The following RHPN2 variants were observed in gnomAD, a reference collection of about 807,000 sequenced individuals.
RHPN2 encodes rhophilin Rho GTPase binding protein 2, also known as rhophilin-2.
In RHPN2, 40 loss-of-function variants were observed where a neutral mutation model predicts 79.0. The observed-to-expected ratio is 0.51, with a 90% CI of 0.39 to 0.66. RHPN2 has a LOEUF of 0.66. RHPN2 is among the 30% of genes least tolerant of loss of function. The probability of loss-of-function intolerance (pLI) is 0.00; values close to 1 mark genes in which losing one functional copy is unlikely to be tolerated. For missense variants in RHPN2, 686 were observed against 883.5 expected, an observed-to-expected ratio of 0.78 and a Z score of 2.83; for synonymous variants, 285 against 363.5, an observed-to-expected ratio of 0.78 and a Z score of 2.46.
rs142063111 is a variant in RHPN2 at position 33,058,513 on chromosome 19, G to A, written c.69+6271C>T. Reference sequence around the variant, plus strand: ...AATCCCAATAGTCACCAGGCGCAGTGGCTCATGCCTGTAATCCCAGCACTT... The same window carrying A: ...AATCCCAATAGTCACCAGGCGCAGTAGCTCATGCCTGTAATCCCAGCACTT... On this transcript the variant is annotated intron_variant, in intron 1 of 14. Transcript: ENST00000254260. Among the ~76,000 whole-genome samples the A allele has an allele frequency of 1.1e-3, 163 of 152,294 alleles. 3 individuals carry two copies. The East Asian group carries it at 0.026, about 25-fold the overall frequency.
intron 9 of RHPN2, among the ~76,000 whole-genome samples, chr19:33,001,287 A>C (rs946530378): frequency 6.6e-6 from 1 of 152,162 alleles, no homozygotes; most frequent in African/African-American, 2.4e-5. Context: ...TGTAATCCCA[A>C]CACTTTGGGG....
At chr19:32,990,807 A>G in intron 13 of RHPN2, 138 bp from the exon 14 acceptor site, 1 of 858,602 alleles carries the variant, frequency 1.2e-6, no homozygotes, top group South Asian at 1.5e-5. Flanking sequence ...AGACGGGTAG[A>G]TCACTTGAGG....
chr19:33,006,546 C>G (rs1003158258), intron 7 of RHPN2, among the ~76,000 whole-genome samples: 1 of 152,202 alleles, frequency 6.6e-6, no homozygotes, highest in African/African-American at 2.4e-5. Context: ...CACCCCAAAG[C>G]AGAATGTCGA....
chr19:33,037,628 A>G (rs1479522053), intron 2 of RHPN2, among the ~76,000 whole-genome samples: 1 of 152,046 alleles, frequency 6.6e-6, no homozygotes, highest in African/African-American at 2.4e-5. Flanking sequence ...CCAGACGAAC[A>G]ACTCCAGACG....
intron 2 of RHPN2, among the ~76,000 whole-genome samples, chr19:33,043,925 A>G (rs1391389317): frequency 6.6e-6 from 1 of 152,152 alleles, no homozygotes; most frequent in Non-Finnish European, 1.5e-5. Flanking sequence ...AGTGTCAGGC[A>G]GTGGAGAAAA....
intron 1 of RHPN2, among the ~76,000 whole-genome samples, chr19:33,057,388 T>C (rs1178699171): frequency 6.6e-6 from 1 of 151,694 alleles, no homozygotes; most frequent in African/African-American, 2.4e-5. Context: ...GTGAGAGACA[T>C]GATTTTATAA....
intron 2 of RHPN2, among the ~76,000 whole-genome samples, chr19:33,041,676 G>T (rs550326097): frequency 2.6e-5 from 4 of 152,280 alleles, no homozygotes; most frequent in Admixed American, 2.0e-4. Context: ...GCTCACAGGG[G>T]CCTCTCTGAC....
Position 33,007,947 on chromosome 19 carries a change from T to TG in RHPN2, c.760+66dup, listed in dbSNP as rs759092520. ...GGGATGACCTGTAGATTCTCTTCAGTGGGGGGTCCCCTGGTGCCACCGGGT... is the reference window on the plus strand; with the variant it reads ...GGGATGACCTGTAGATTCTCTTCAGTGGGGGGGTCCCCTGGTGCCACCGGGT... On this transcript the variant is annotated intron_variant, in intron 7 of 14. Coordinates refer to ENST00000254260, the MANE Select transcript of RHPN2 (RefSeq NM_033103.5). 54 of 1,563,252 alleles carry TG rather than the reference T, an allele frequency of 3.5e-5. 1 individual carries two copies. In the East Asian group the frequency reaches 7.4e-4, roughly 21 times the overall value.
intron 2 of RHPN2, among the ~76,000 whole-genome samples, chr19:33,040,460 G>A (rs904658691): frequency 3.3e-5 from 5 of 151,738 alleles, no homozygotes; most frequent in Non-Finnish European, 5.9e-5. Context: ...GGATGGTCTC[G>A]ATCTCTTGAC....
At chr19:32,989,565 G>A (rs1971638442) in intron 14 of RHPN2, among the ~76,000 whole-genome samples, 1 of 152,136 alleles carries the variant, frequency 6.6e-6, no homozygotes, top group African/African-American at 2.4e-5. Flanking sequence ...TGTACCATTA[G>A]AATTTTTTTT....
At chr19:33,023,721 C>G (rs551812533) in intron 3 of RHPN2, among the ~76,000 whole-genome samples, 6 of 147,602 alleles carry the variant, frequency 4.1e-5, no homozygotes, top group African/African-American at 1.5e-4. Context: ...GGAGGCAGAG[C>G]TTGCAGTGAG....
intron 4 of RHPN2, among the ~76,000 whole-genome samples, chr19:33,013,206 AAAC>A (rs369527328): frequency 0.028 from 2,711 of 95,784 alleles, 74 homozygotes; most frequent in African/African-American, 0.094. Context: ...CAAAAACAAA[AAAC>A]AAAAAACAGA....
At chr19:33,002,129 C>T (rs1274548292) in intron 9 of RHPN2, 118 bp downstream of exon 9, 2 of 1,289,022 alleles carry the variant, frequency 1.6e-6, no homozygotes, top group South Asian at 1.3e-5. Context: ...CTCCCATCCT[C>T]TGCCTTCAGC....
intron 1 of RHPN2, among the ~76,000 whole-genome samples, chr19:33,059,201 C>G (rs1214346286): frequency 6.6e-6 from 1 of 151,894 alleles, no homozygotes; most frequent in Non-Finnish European, 1.5e-5. Context: ...GCAATCTTCA[C>G]CCCCCGCCTC....
intron 4 of RHPN2, among the ~76,000 whole-genome samples, chr19:33,013,029 C>A (rs1971847944): frequency 6.6e-6 from 1 of 151,836 alleles, no homozygotes; most frequent in African/African-American, 2.4e-5. Context: ...GCGCCCACCA[C>A]AATGTCTGGC....
chr19:33,061,225 C>CTT (rs35377340), intron 1 of RHPN2, among the ~76,000 whole-genome samples: 83 of 120,574 alleles, frequency 6.9e-4, no homozygotes, highest in Non-Finnish European at 1.1e-3. Context: ...ACCTGCCTTT[C>CTT]TTTTTTTTTT....
Position 33,045,020 on chromosome 19 carries a change from G to A in RHPN2, c.70-656C>T, listed in dbSNP as rs188749606. On this transcript the variant is annotated intron_variant, in intron 1 of 14. Coordinates refer to ENST00000254260, the MANE Select transcript of RHPN2 (RefSeq NM_033103.5). ...GAAAGGCACCCACACCCTTGTGACC[G>A]CTTTCCCCCTCACTGTTACTGAGTA... is the stretch of plus-strand genomic sequence containing the variant. Among the ~76,000 whole-genome samples the A allele has an allele frequency of 3.0e-3, 448 of 149,952 alleles. 5 individuals carry two copies. The highest frequency in any genetic ancestry group is 0.01 in the African/African-American group (421 of 40,682).
At chr19:33,049,417 C>T (rs911543059) in intron 1 of RHPN2, among the ~76,000 whole-genome samples, 1 of 152,116 alleles carries the variant, frequency 6.6e-6, no homozygotes, top group Non-Finnish European at 1.5e-5. Flanking sequence ...AACTCAGAGA[C>T]AGGGATTGGT....
At chr19:33,056,235 C>G (rs1972232012) in intron 1 of RHPN2, among the ~76,000 whole-genome samples, 1 of 151,726 alleles carries the variant, frequency 6.6e-6, no homozygotes, top group Admixed American at 6.6e-5. Context: ...GCCTCAGCCT[C>G]CCGAGTAGCT....
Sources: allele counts gnomAD v4.1 joint callset (sites outside exome capture counted in the v4.1 genomes callset), GRCh38; gene constraint gnomAD v4.1.1; transcripts MANE v1.5; gene names NCBI Gene and HGNC (gene_info 2026-07-23, HGNC 2026-07-21).